Variants in SLC25A26 observed in about 807,000 individuals in gnomAD.
SLC25A26 encodes the protein solute carrier family 25 member 26.
SLC25A26 carries 36 observed loss-of-function variants against 37.8 expected under a neutral mutation model. That is an observed-to-expected ratio of 0.95 (90% CI 0.73 to 1.26). The LOEUF is 1.26. SLC25A26 is among the 50% of genes most tolerant of loss of function. The pLI, the probability that SLC25A26 is intolerant of heterozygous loss-of-function variation, is 0.00. For synonymous variants in SLC25A26, 129 were observed against 122.5 expected (o/e 1.05, Z -0.35); for missense variants, 390 against 331.1 (o/e 1.18, Z -1.38).
chr3:66,154,917 C>T (rs1048434332), intron 1 of SLC25A26, among the ~76,000 whole-genome samples: 9 of 152,214 alleles, frequency 5.9e-5, no homozygotes, highest in Non-Finnish European at 4.4e-5. Flanking sequence ...TATGTATCAG[C>T]TCTTCAATAA....
chr3:66,328,287 T>C (rs2075887497), intron 5 of SLC25A26, among the ~76,000 whole-genome samples: 1 of 152,182 alleles, frequency 6.6e-6, no homozygotes, highest in South Asian at 2.1e-4. Context: ...GGTGTTTCTT[T>C]ATAGTTAGAC....
At chr3:66,253,442 G>T (rs1680407) in intron 3 of SLC25A26, among the ~76,000 whole-genome samples, 17,612 of 151,556 alleles carry the variant, frequency 0.12, 1,783 homozygotes, top group African/African-American at 0.27. Context: ...GAGTTTTCTG[G>T]ATTATCCACG....
At chr3:66,245,613 C>T (rs925695169) in intron 3 of SLC25A26, among the ~76,000 whole-genome samples, 7 of 152,152 alleles carry the variant, frequency 4.6e-5, no homozygotes, top group Non-Finnish European at 8.8e-5. Context: ...ATAACATTTA[C>T]ATTAAAAATT....
intron 5 of SLC25A26, among the ~76,000 whole-genome samples, chr3:66,312,378 G>T (rs142548687): frequency 5.9e-5 from 9 of 152,268 alleles, no homozygotes; most frequent in South Asian, 4.1e-4. Flanking sequence ...TGCTTTGCTG[G>T]CAGCAAGAAT....
intron 1 of SLC25A26, among the ~76,000 whole-genome samples, chr3:66,224,627 T>C (rs1334356500): frequency 1.3e-5 from 2 of 152,190 alleles, no homozygotes; most frequent in Admixed American, 6.5e-5. Context: ...AAATCTCCTA[T>C]CCTCACATTT....
At chr3:66,366,155 G>T (rs997649684) in intron 7 of SLC25A26, among the ~76,000 whole-genome samples, 3 of 152,228 alleles carry the variant, frequency 2.0e-5, no homozygotes, top group African/African-American at 7.2e-5. Context: ...CCTAACTCCA[G>T]TGGAGACCAT....
At chr3:66,281,250 A>G (rs1433674339) in intron 5 of SLC25A26, among the ~76,000 whole-genome samples, 1 of 152,204 alleles carries the variant, frequency 6.6e-6, no homozygotes, top group African/African-American at 2.4e-5. Context: ...AAAAAGTCTT[A>G]CACTTGGTGA....
intron 1 of SLC25A26, among the ~76,000 whole-genome samples, chr3:66,175,009 C>A (rs1001755654): frequency 6.7e-6 from 1 of 150,074 alleles, no homozygotes; most frequent in Non-Finnish European, 1.5e-5. Flanking sequence ...TGGTGGTTTG[C>A]AAACTTGACT....
At chr3:66,204,843 T>C (rs964346240) in intron 1 of SLC25A26, among the ~76,000 whole-genome samples, 1 of 152,188 alleles carries the variant, frequency 6.6e-6, no homozygotes, top group Non-Finnish European at 1.5e-5. Flanking sequence ...TTGCCATGAA[T>C]GTTAAACCAC....
chr3:66,339,820 GC>G (rs2076168616), intron 5 of SLC25A26, among the ~76,000 whole-genome samples: 1 of 151,874 alleles, frequency 6.6e-6, no homozygotes. Context: ...GTCTTTTTAT[GC>G]TGTTAATTGC....
intron 5 of SLC25A26, among the ~76,000 whole-genome samples, chr3:66,303,763 G>A (rs1018087468): frequency 6.6e-6 from 1 of 152,192 alleles, no homozygotes; most frequent in Non-Finnish European, 1.5e-5. Context: ...TGAGGACCGC[G>A]TGGCTGAGTT....
At chr3:66,361,517 A>C (rs1231289929) in intron 6 of SLC25A26, among the ~76,000 whole-genome samples, 1 of 152,250 alleles carries the variant, frequency 6.6e-6, no homozygotes, top group African/African-American at 2.4e-5. Flanking sequence ...CTATGTCTAG[A>C]ATATGTAAAG....
At chr3:66,230,603 A>G (rs1328759135) in intron 1 of SLC25A26, among the ~76,000 whole-genome samples, 1 of 151,816 alleles carries the variant, frequency 6.6e-6, no homozygotes, top group Admixed American at 6.6e-5. Context: ...TTGGAGTTCA[A>G]GACCAGCCTG....
At chr3:66,162,344 CT>C (rs562402223) in intron 1 of SLC25A26, among the ~76,000 whole-genome samples, 1,290 of 47,324 alleles carry the variant, frequency 0.027, 11 homozygotes, top group African/African-American at 0.077. Context: ...ATTTTTTTTT[CT>C]TTTTTTTTTT....
At chr3:66,315,832 C>G (rs1271541972) in intron 5 of SLC25A26, among the ~76,000 whole-genome samples, 2 of 152,128 alleles carry the variant, frequency 1.3e-5, no homozygotes, top group African/African-American at 2.4e-5. Flanking sequence ...ATAGTTAGCT[C>G]TTCTTCTTGA....
At chr3:66,193,399 A>C (rs2070982671) in intron 1 of SLC25A26, among the ~76,000 whole-genome samples, 1 of 152,150 alleles carries the variant, frequency 6.6e-6, no homozygotes, top group African/African-American at 2.4e-5. Flanking sequence ...TACAACTATC[A>C]TCAGAGATTC....
At chr3:66,273,387 T>C (rs1444227504) in intron 5 of SLC25A26, among the ~76,000 whole-genome samples, 1 of 152,124 alleles carries the variant, frequency 6.6e-6, no homozygotes, top group African/African-American at 2.4e-5. Context: ...TCCTTGTACC[T>C]CTGGTAGAAT....
At chr3:66,246,745 A>G (rs781954074) in intron 3 of SLC25A26, among the ~76,000 whole-genome samples, 5 of 152,264 alleles carry the variant, frequency 3.3e-5, no homozygotes, top group Non-Finnish European at 5.9e-5. Context: ...TATAGTTGCT[A>G]TGGAGCTGGG....
chr3:66,362,122 CA>C (rs2076722006), intron 6 of SLC25A26, among the ~76,000 whole-genome samples: 2 of 152,126 alleles, frequency 1.3e-5, no homozygotes, highest in South Asian at 4.1e-4. Flanking sequence ...CTTTGGAAAA[CA>C]GTTTGGCAGT....
Sources: gnomAD v4.1 joint callset for allele counts (sites outside exome capture counted in the v4.1 genomes callset) on GRCh38, gnomAD v4.1.1 for gene constraint, MANE v1.5 for transcripts, NCBI Gene and HGNC (gene_info 2026-07-23, HGNC 2026-07-21) for gene names.